Variants in OR11G2 observed in about 807,000 individuals in gnomAD.
The protein encoded by OR11G2 is olfactory receptor 11G2.
A neutral mutation model predicts 0.9 loss-of-function variants in OR11G2; 2 were observed. The ratio of observed to expected loss-of-function variants is 2.35; its 90% CI spans 0.96 to 7.38. The LOEUF (loss-of-function observed/expected upper bound fraction) is 7.38. Ranked by LOEUF, OR11G2 falls within the 30% of genes most tolerant of loss-of-function variation. The pLI is 0.05. For missense variants in OR11G2, 395 were observed against 371.3 expected (o/e 1.06, Z -0.52); for synonymous variants, 153 against 142.0 (o/e 1.08, Z -0.55).
rs757188359 is a variant in OR11G2 at position 20,197,437 on chromosome 14, C to T, written c.-1C>T. On this transcript the variant is annotated 5_prime_UTR_variant, in exon 2 of 2. Coordinates refer to ENST00000641879, the MANE Select transcript of OR11G2 (RefSeq NM_001386033.1). ...CTGGTGCTTTTACAATTCACAGGCA[C>T]ATGAAAATCTTCAACAGCCCCAGCA... 3.7e-6 allele frequency: 6 copies of T among 1,613,678 alleles called. No individual in the cohort carries two copies. Among genetic ancestry groups the T allele is most frequent in the African/African-American group, 1.3e-5 (1 of 74,938 alleles).
rs995480978 is a variant in OR11G2, at chr14:20,196,118, G to A, written c.-4-1316G>A. ...TCTGGTGCCATCTCCAGGCGGAAAG[G>A]GTTTACAGTTGTCTCTGGTAATTTT... is the stretch of plus-strand genomic sequence containing the variant. On this transcript the variant is annotated intron_variant, in intron 1 of 1. Transcript: ENST00000641879. 2.0e-5 allele frequency among the ~76,000 whole-genome samples: 3 copies of A among 152,310 alleles called. No homozygotes were observed. In the South Asian group the frequency reaches 6.2e-4, roughly 32 times the overall value.
intron 1 of OR11G2, among the ~76,000 whole-genome samples, chr14:20,192,899 G>A (rs1879682945): frequency 1.3e-5 from 2 of 152,138 alleles, no homozygotes; most frequent in Admixed American, 1.3e-4. Flanking sequence ...TATTGCTGAA[G>A]TTTTGAGGAG....
In OR11G2 at chr14:20,198,167, A is replaced by G. The variant is rs2139115329; in HGVS notation, c.730A>G (p.Thr244Ala). 1 of 1,614,022 alleles carries G rather than the reference A, an allele frequency of 6.2e-7. No homozygotes were observed. The highest frequency in any genetic ancestry group is 8.5e-7 in the Non-Finnish European group (1 of 1,179,984). Residue 244 changes from threonine to alanine, a missense_variant, in exon 2 of 2, where the codon ACC (threonine) becomes GCC (alanine). By Grantham distance (58) the Thr-to-Ala change is moderately conservative (BLOSUM62 0). Transcript: ENST00000641879. ...AGCTGGGAGAAGAAAGGCTTTCTCC[A>G]CCTGTGGGTCTCACCTGGCTGTGGT... ...SAAGRRKAFS[T>A]CGSHLAVVSL... is the part of the protein sequence containing the mutation.
In OR11G2 at chr14:20,200,085, C is replaced by G. The variant is rs978947506; in HGVS notation, c.*1712C>G. On this transcript the variant is annotated 3_prime_UTR_variant, in exon 2 of 2. Coordinates refer to ENST00000641879, the MANE Select transcript of OR11G2 (RefSeq NM_001386033.1). The stretch of plus-strand genomic sequence containing the variant: ...TGAAGTGTCTTCACTAATCCAAATA[C>G]CTGTTTTTCAGGTTAAATAAATAGG... 1 of 148,886 alleles carries G rather than the reference C, an allele frequency of 6.7e-6. No homozygotes were observed. The highest frequency in any genetic ancestry group is 2.5e-5 in the African/African-American group (1 of 40,636). The allele number at this position is 148,886 out of a possible 1,614,324, so 9.2% of individuals were successfully genotyped here.
In OR11G2 at chr14:20,199,050, G is replaced by A. The variant is rs1009886925; in HGVS notation, c.*677G>A. 6 of 152,220 alleles carry A rather than the reference G, an allele frequency of 3.9e-5. No individual in the cohort carries two copies. The highest frequency in any genetic ancestry group is 7.3e-5 in the Non-Finnish European group (5 of 68,072). 9.4% of individuals were successfully genotyped at this position (152,220 alleles called of 1,614,324 possible). Reference sequence around the variant, plus strand: ...TGCTCGTTTTAGTTTTACTCTTAGGGTGTGGCTCTTACTGCAGGAACATAG... The same window carrying A: ...TGCTCGTTTTAGTTTTACTCTTAGGATGTGGCTCTTACTGCAGGAACATAG... On this transcript the variant is annotated 3_prime_UTR_variant, in exon 2 of 2. Coordinates refer to ENST00000641879, the MANE Select transcript of OR11G2 (RefSeq NM_001386033.1).
chr14:20,196,735 G>A (rs1326187203), intron 1 of OR11G2, among the ~76,000 whole-genome samples: 1 of 152,174 alleles, frequency 6.6e-6, no homozygotes, highest in Non-Finnish European at 1.5e-5. Flanking sequence ...AAGCACAGAC[G>A]TGTTTCAGCA....
Position 20,198,731 on chromosome 14 carries a change from G to GA in OR11G2, c.*376dup, listed in dbSNP as rs35857357. The GA allele has an allele frequency of 0.016, 2,071 of 128,642 alleles. 53 individuals are homozygous for GA. Among genetic ancestry groups the GA allele is most frequent in the Admixed American group, 0.062 (788 of 12,758 alleles). 8.0% of individuals were successfully genotyped at this position (128,642 alleles called of 1,614,324 possible). The stretch of plus-strand genomic sequence containing the variant: ...GCGACAGAGCGAGACTCTGTCTCAG[G>GA]AAAAAAAAAAAAAAAAAACTGGTCT... On this transcript the variant is annotated 3_prime_UTR_variant, in exon 2 of 2. Transcript: ENST00000641879.
At chr14:20,194,730 T>C (rs975611249) in intron 1 of OR11G2, among the ~76,000 whole-genome samples, 1 of 152,206 alleles carries the variant, frequency 6.6e-6, no homozygotes, top group African/African-American at 2.4e-5. Context: ...CATAGCAGAA[T>C]TCTTTTTTGT....
chr14:20,196,590 G>C (rs1879756785), intron 1 of OR11G2, among the ~76,000 whole-genome samples: 1 of 152,240 alleles, frequency 6.6e-6, no homozygotes, highest in South Asian at 2.1e-4. Context: ...ATGGACCACA[G>C]CTTTAGTCTA....
rs2139115886 is a variant in OR11G2, at chr14:20,198,283, T to C, written c.846T>C (p.Tyr282=). Residue 282 remains tyrosine (Y), a synonymous_variant, in exon 2 of 2, where the codon TAT becomes TAC. Coordinates refer to ENST00000641879, the MANE Select transcript of OR11G2 (RefSeq NM_001386033.1). ...AGCAGAAGACTGTGACTCTGTTTTA[T>C]TCTGTTGTTACCCCACTGCTTAACC... ...AGKQKTVTLF[Y]SVVTPLLNPV... The C allele has an allele frequency of 6.2e-7, 1 of 1,613,860 alleles. No homozygotes were observed.
intron 1 of OR11G2, among the ~76,000 whole-genome samples, chr14:20,193,602 T>A (rs1006650223): frequency 6.6e-6 from 1 of 152,214 alleles, no homozygotes; most frequent in African/African-American, 2.4e-5. Flanking sequence ...TTTTAATATG[T>A]TTAAAAATTG....
intron 1 of OR11G2, among the ~76,000 whole-genome samples, chr14:20,197,106 G>A (rs1358692423): frequency 1.3e-5 from 2 of 152,126 alleles, no homozygotes; most frequent in East Asian, 3.8e-4. Flanking sequence ...AAAGGCTCTT[G>A]AAGGAAAGTG....
Position 20,197,416 on chromosome 14 carries a change from T to C in OR11G2, c.-4-18T>C, listed in dbSNP as rs752277871. On this transcript the variant is annotated intron_variant, in intron 1 of 1. Coordinates refer to ENST00000641879, the MANE Select transcript of OR11G2 (RefSeq NM_001386033.1). ...TGCACCGTCATTCAGTAATTGCTGG[T>C]GCTTTTACAATTCACAGGCACATGA... 3 of 1,613,076 alleles carry C rather than the reference T, an allele frequency of 1.9e-6. No individual in the cohort carries two copies. The highest frequency in any genetic ancestry group is 2.5e-6 in the Non-Finnish European group (3 of 1,179,162).
intron 1 of OR11G2, among the ~76,000 whole-genome samples, chr14:20,194,957 T>C (rs1879722293): frequency 6.6e-6 from 1 of 152,138 alleles, no homozygotes; most frequent in Admixed American, 6.6e-5. Context: ...GTTCCCTTTA[T>C]AAAAGATAAA....
At chr14:20,192,440 T>G (rs770440871) in intron 1 of OR11G2, among the ~76,000 whole-genome samples, 1 of 152,222 alleles carries the variant, frequency 6.6e-6, no homozygotes, top group Non-Finnish European at 1.5e-5. Context: ...TCTAGCTCTG[T>G]CCTAATTCTA....
rs1362457212 is a variant in OR11G2, at chr14:20,199,860, C to G, written c.*1487C>G. The G allele has an allele frequency of 1.3e-5, 2 of 152,024 alleles. No individual in the cohort carries two copies. The highest frequency in any genetic ancestry group is 1.3e-4 in the Admixed American group (2 of 15,246). 9.4% of individuals were successfully genotyped at this position (152,024 alleles called of 1,614,324 possible). A position where few individuals can be genotyped will look rare whatever the true frequency, so the allele number is the denominator to read the frequency against. On this transcript the variant is annotated 3_prime_UTR_variant, in exon 2 of 2. Coordinates refer to ENST00000641879, the MANE Select transcript of OR11G2 (RefSeq NM_001386033.1). The stretch of plus-strand genomic sequence containing the variant: ...CAGCAAAGAATCCCTGAGGACTCTT[C>G]CCCTGCAGGAAGCAGGGGAAAGGTT...
At chr14:20,196,600 A>G (rs1052144070) in intron 1 of OR11G2, among the ~76,000 whole-genome samples, 2 of 152,122 alleles carry the variant, frequency 1.3e-5, no homozygotes, top group Admixed American at 6.5e-5. Context: ...GCTTTAGTCT[A>G]ATATCGCCTA....
At position 20,191,039 on chromosome 14, in the gene OR11G2, G is replaced by C. The variant is rs1879641038; in HGVS notation, c.-632G>C. ...ATCAGACAGTCTCAGAGAAACTTCAGGTTTGTGATCCCCTTTTGTCCATGA... is the reference window on the plus strand; with the variant it reads ...ATCAGACAGTCTCAGAGAAACTTCACGTTTGTGATCCCCTTTTGTCCATGA... On this transcript the variant is annotated 5_prime_UTR_variant, in exon 1 of 2. Transcript: ENST00000641879. The C allele has an allele frequency of 2.0e-5, 3 of 152,202 alleles. No individual in the cohort carries two copies. Among genetic ancestry groups the C allele is most frequent in the Non-Finnish European group, 4.4e-5 (3 of 68,054 alleles). 9.4% of individuals were successfully genotyped at this position (152,202 alleles called of 1,614,324 possible).
At chr14:20,194,608 A>C (rs1300960958) in intron 1 of OR11G2, among the ~76,000 whole-genome samples, 2 of 152,244 alleles carry the variant, frequency 1.3e-5, no homozygotes, top group Non-Finnish European at 2.9e-5. Context: ...ATGCCTAAGC[A>C]TTATTAGTAA....
Sources: gnomAD v4.1 joint callset for allele counts (sites outside exome capture counted in the v4.1 genomes callset) on GRCh38, gnomAD v4.1.1 for gene constraint, MANE v1.5 for transcripts, NCBI Gene and HGNC (gene_info 2026-07-23, HGNC 2026-07-21) for gene names.